Variants in VARS2 observed in about 807,000 individuals in gnomAD.
VARS2 encodes the protein valyl-tRNA synthetase 2, mitochondrial.
Under a neutral mutation model 154.1 loss-of-function variants are expected in VARS2, and 105 were observed. The observed-to-expected ratio is 0.68, with a 90% CI of 0.58 to 0.80. The LOEUF (loss-of-function observed/expected upper bound fraction) is 0.80. Among genes scored for constraint, VARS2 ranks in the 30% least tolerant of loss-of-function variants. The probability of loss-of-function intolerance (pLI) is 0.00; values close to 1 mark genes in which losing one functional copy is unlikely to be tolerated. For synonymous variants in VARS2, 483 were observed against 539.5 expected (o/e 0.90, Z 1.45); for missense variants, 1,157 against 1,361.4 (o/e 0.85, Z 2.36).
At position 30,919,011 on chromosome 6, in the gene VARS2, C is replaced by T; in HGVS notation, c.1074+96C>T. ...GGTGGCTCTTTCTCTCTTGCTTCTA[C>T]TTCCTTTTCCTGAGACTTCTCTCAG... On this transcript the variant is annotated intron_variant, in intron 11 of 29. Transcript: ENST00000676266. The surrounding 1 kb of genome is among the most constrained non-coding windows in gnomAD (Gnocchi z 4.5). 1.8e-6 allele frequency: 2 copies of T among 1,141,114 alleles called. No homozygotes were observed. Among genetic ancestry groups the T allele is most frequent in the South Asian group, 1.3e-5 (1 of 78,512 alleles). The allele number at this position is 1,141,114 out of a possible 1,614,324, so 70.7% of individuals were successfully genotyped here.
At position 30,921,626 on chromosome 6, in the gene VARS2, C is replaced by T; in HGVS notation, c.1670C>T (p.Ala557Val). The T allele has an allele frequency of 6.2e-7, 1 of 1,609,222 alleles. No individual in the cohort carries two copies. Among genetic ancestry groups the T allele is most frequent in the Non-Finnish European group, 8.5e-7 (1 of 1,179,034 alleles). The stretch of plus-strand genomic sequence containing the variant: ...TGTTGGGTGGTTGGGCGGTCAGAGG[C>T]TGAGGCCAGAGAGGTAGCAGCGGAA... ...EDCWVVGRSE[A>V]EAREVAAELT... Residue 557 changes from alanine (A) to valine (V), a missense_variant, in exon 18 of 30, where the codon GCT becomes GTT. Ala to Val is a moderately conservative substitution (Grantham distance 64, BLOSUM62 0). Coordinates refer to ENST00000676266, the MANE Select transcript of VARS2 (RefSeq NM_020442.6). The surrounding 1 kb of genome is among the most constrained non-coding windows in gnomAD (Gnocchi z 4.6).
At position 30,921,874 on chromosome 6, in the gene VARS2, G is replaced by A. The variant is rs777832919; in HGVS notation, c.1736-51G>A. ...TAGAATGGTGGCAGCAGTGGTCTGA[G>A]GTCCTAGAAGCCAAGGTTCCAACTG... On this transcript the variant is annotated intron_variant, in intron 18 of 29. Coordinates refer to ENST00000676266, the MANE Select transcript of VARS2 (RefSeq NM_020442.6). This position sits in a 1 kb window ranked among gnomAD's most constrained non-coding sequence, Gnocchi z 4.6. 7 of 1,608,426 alleles carry A rather than the reference G, an allele frequency of 4.4e-6. No individual in the cohort carries two copies. In the South Asian group the frequency reaches 4.4e-5, roughly 10 times the overall value.
At chr6:30,918,967 C>A in intron 11 of VARS2, 52 bp downstream of exon 11, 1 of 1,537,424 alleles carries the variant, frequency 6.5e-7, no homozygotes, top group Non-Finnish European at 9.0e-7. Flanking sequence ...ATGGCCTTCT[C>A]TTCTCTTGGG....
Position 30,920,035 on chromosome 6 carries a change from G to A in VARS2, c.1166-54G>A. 1.1e-6 allele frequency: 1 copy of A among 890,886 alleles called. No homozygotes were observed. The highest frequency in any genetic ancestry group is 1.5e-6 in the Non-Finnish European group (1 of 688,798). 55.2% of individuals were successfully genotyped at this position (890,886 alleles called of 1,614,324 possible). On this transcript the variant is annotated intron_variant, in intron 12 of 29. Transcript: ENST00000676266. The surrounding 1 kb of genome is among the most constrained non-coding windows in gnomAD (Gnocchi z 4.6). Reference sequence around the variant, plus strand: ...GGTGCAGGTGATGATGATACATCTGGAAAAGCAAAAGCCAAGGTCAGGTTC... The same window carrying A: ...GGTGCAGGTGATGATGATACATCTGAAAAAGCAAAAGCCAAGGTCAGGTTC...
At chr6:30,914,707 G>A in intron 1 of VARS2, 103 bp from the exon 2 acceptor site, 1 of 1,224,168 alleles carries the variant, frequency 8.2e-7, no homozygotes. Context: ...ATAGAGACTT[G>A]GAATAACAGA....
Position 30,917,885 on chromosome 6 carries a change from A to T in VARS2, c.985+79A>T, listed in dbSNP as rs1243808513. 1.4e-6 allele frequency: 2 copies of T among 1,391,086 alleles called. No homozygotes were observed. The allele number at this position is 1,391,086 out of a possible 1,614,324, so 86.2% of individuals were successfully genotyped here. A position where few individuals can be genotyped will look rare whatever the true frequency, so the allele number is the denominator to read the frequency against. ...TGAAGCCCATGTTGGGCTGCTAGGA[A>T]CCCATCAGTCCATCTCTCACATGTA... On this transcript the variant is annotated intron_variant, in intron 10 of 29. Transcript: ENST00000676266. This position sits in a 1 kb window ranked among gnomAD's most constrained non-coding sequence, Gnocchi z 4.4.
In VARS2 at chr6:30,919,841, G is replaced by A; in HGVS notation, c.1158G>A (p.Val386=). Residue 386 remains valine (V), a synonymous_variant, in exon 12 of 30, where the codon GTG becomes GTA. Transcript: ENST00000676266. The surrounding 1 kb of genome is among the most constrained non-coding windows in gnomAD (Gnocchi z 4.5). ...CAGACTATGCTGTTCAGCCACATGT[G>A]GGCACGGGTGAGTGGAAGTCAGGGG... ...LITDYAVQPH[V]GTGAVKVTPA... is the part of the protein sequence containing the mutation. The A allele has an allele frequency of 6.3e-7, 1 of 1,576,598 alleles. No individual in the cohort carries two copies. Among genetic ancestry groups the A allele is most frequent in the East Asian group, 2.3e-5 (1 of 43,686 alleles).
In VARS2 at chr6:30,923,115, C is replaced by A; in HGVS notation, c.2197C>A (p.His733Asn). The A allele has an allele frequency of 3.1e-6, 5 of 1,613,002 alleles. No homozygotes were observed. The highest frequency in any genetic ancestry group is 4.2e-6 in the Non-Finnish European group (5 of 1,179,958). The stretch of plus-strand genomic sequence containing the variant: ...TTCTTCCCTTCCAGCGGGCGACTTG[C>A]ACCTGTCAGTCTCTGAGGTCCAGAG... ...CSHGVQAGDLHLSVSEVQSCR... is the reference protein window; with the variant it reads ...CSHGVQAGDLNLSVSEVQSCR... Residue 733 changes from histidine (H) to asparagine (N), a missense_variant, in exon 24 of 30, where the codon CAC (histidine) becomes AAC (asparagine). By Grantham distance (68) the His-to-Asn change is moderately conservative. Transcript: ENST00000676266.
In VARS2 at chr6:30,922,166, C is replaced by T. The variant is rs1355545927; in HGVS notation, c.1857C>T (p.Ser619=). ...FYPLSLLETG[S]DLLLFWVGRM... ...CCCTGTCACTTTTGGAAACGGGCAG[C>T]GACCTTCTGCTGTTCTGGGTGGGCC... is the stretch of plus-strand genomic sequence containing the variant. The change falls in exon 20 of 30, where the codon AGC becomes AGT. Residue 619 remains serine (S), a synonymous_variant. Transcript: ENST00000676266. 4.3e-6 allele frequency: 7 copies of T among 1,612,776 alleles called. No individual in the cohort carries two copies. The East Asian group carries it at 6.7e-5, about 15-fold the overall frequency.
Position 30,923,291 on chromosome 6 carries a change from C to A in VARS2, c.2313+60C>A, listed in dbSNP as rs553989413. 2.0e-5 allele frequency: 32 copies of A among 1,607,036 alleles called. No individual in the cohort carries two copies. The African/African-American group carries it at 3.1e-4, about 15-fold the overall frequency. On this transcript the variant is annotated intron_variant, in intron 24 of 29. Coordinates refer to ENST00000676266, the MANE Select transcript of VARS2 (RefSeq NM_020442.6). ...GTCAGGTGTCAGAGGGCCAAGGTGG[C>A]ATCTGGAAGGAAAGGAGGCAGGGGA...
At position 30,920,739 on chromosome 6, in the gene VARS2, G is replaced by A. The variant is rs752168449; in HGVS notation, c.1469G>A (p.Arg490Gln). Residue 490 changes from arginine (R) to glutamine (Q), a missense_variant, in exon 15 of 30, where the codon CGA becomes CAA. Transcript: ENST00000676266. The surrounding 1 kb of genome is among the most constrained non-coding windows in gnomAD (Gnocchi z 4.6). The stretch of plus-strand genomic sequence containing the variant: ...GTCCGCTGCCAGGAAATGGGGGCCC[G>A]AGCTGCCAAGGTGAGGCTGCAGTGT... ...WFVRCQEMGA[R>Q]AAKAVESGAL... 34 of 1,594,336 alleles carry A rather than the reference G, an allele frequency of 2.1e-5. No homozygotes were observed. The highest frequency in any genetic ancestry group is 4.5e-5 in the East Asian group (2 of 44,480).
chr6:30,920,712 T>G lies in VARS2; in HGVS notation c.1442T>G (p.Phe481Cys). Residue 481 changes from phenylalanine (F) to cysteine (C), a missense_variant, in exon 15 of 30, where the codon TTT becomes TGT. Transcript: ENST00000676266. The surrounding 1 kb of genome is among the most constrained non-coding windows in gnomAD (Gnocchi z 4.6). ...GAATACCTGCTGAAGAACCAGTGGTTTGTCCGCTGCCAGGAAATGGGGGCC... is the reference window on the plus strand; with the variant it reads ...GAATACCTGCTGAAGAACCAGTGGTGTGTCCGCTGCCAGGAAATGGGGGCC... ...VIEYLLKNQW[F>C]VRCQEMGARA... 5 of 1,602,012 alleles carry G rather than the reference T, an allele frequency of 3.1e-6. No homozygotes were observed. The highest frequency in any genetic ancestry group is 4.3e-6 in the Non-Finnish European group (5 of 1,174,872).
In VARS2 at chr6:30,925,938, A is replaced by G. The variant is rs773482888; in HGVS notation, c.3020A>G (p.Gln1007Arg). ...PLLAARRYKL[Q>R]KQLDSLTART... Reference sequence around the variant, plus strand: ...TTAGCCGCCCGAAGGTACAAGTTGCAGAAGCAGCTTGACAGCCTCACAGCC... The same window carrying G: ...TTAGCCGCCCGAAGGTACAAGTTGCGGAAGCAGCTTGACAGCCTCACAGCC... The change falls in exon 29 of 30, where the codon CAG becomes CGG. Residue 1007 changes from glutamine (Q) to arginine (R), a missense_variant. Gln to Arg is a conservative substitution (Grantham distance 43). Transcript: ENST00000676266. 82 of 1,612,962 alleles carry G rather than the reference A, an allele frequency of 5.1e-5. No homozygotes were observed. In the South Asian group the frequency reaches 8.2e-4, roughly 16 times the overall value.
Position 30,922,001 on chromosome 6 carries a change from G to A in VARS2, c.1806+6G>A, listed in dbSNP as rs1794543206. On this transcript the variant is annotated splice_donor_region_variant and intron_variant, in intron 19 of 29. Transcript: ENST00000676266. ...CCCTGGGCTGGCCCCAAGAGGTGAGGTGGGTTGAGAGGGCGAAAGTGAAGG... is the reference window on the plus strand; with the variant it reads ...CCCTGGGCTGGCCCCAAGAGGTGAGATGGGTTGAGAGGGCGAAAGTGAAGG... The A allele has an allele frequency of 2.5e-6, 4 of 1,612,976 alleles. No individual in the cohort carries two copies. Among genetic ancestry groups the A allele is most frequent in the East Asian group, 4.5e-5 (2 of 44,874 alleles).
Position 30,919,113 on chromosome 6 carries a change from A to C in VARS2, c.1074+198A>C. ...GTTGACAAACTGGCCCATGGTCCTAATCCAGCTTGCGGCCTTTTTTTTTGA... is the reference window on the plus strand; with the variant it reads ...GTTGACAAACTGGCCCATGGTCCTACTCCAGCTTGCGGCCTTTTTTTTTGA... On this transcript the variant is annotated intron_variant, in intron 11 of 29. Transcript: ENST00000676266. The surrounding 1 kb of genome is among the most constrained non-coding windows in gnomAD (Gnocchi z 4.5). 1 of 556,906 alleles carries C rather than the reference A, an allele frequency of 1.8e-6. No individual in the cohort carries two copies. The highest frequency in any genetic ancestry group is 3.2e-6 in the Non-Finnish European group (1 of 313,050). 34.5% of individuals were successfully genotyped at this position (556,906 alleles called of 1,614,324 possible). A position where few individuals can be genotyped will look rare whatever the true frequency, so the allele number is the denominator to read the frequency against.
chr6:30,924,068 A>C (rs1010633065), intron 25 of VARS2: 12 of 527,656 alleles, frequency 2.3e-5, no homozygotes, highest in African/African-American at 2.0e-4. Context: ...CCTTTTAAAA[A>C]CCTCTGTCCC....
Position 30,916,452 on chromosome 6 carries a change from TCG to T in VARS2, c.671+204_671+205del, listed in dbSNP as rs1794175251. On this transcript the variant is annotated intron_variant, in intron 7 of 29. Coordinates refer to ENST00000676266, the MANE Select transcript of VARS2 (RefSeq NM_020442.6). This position sits in a 1 kb window ranked among gnomAD's most constrained non-coding sequence, Gnocchi z 4.0. ...GGATATTATATATGCATTAGAATAT[TCG>T]TGTGTGTGTGTGTGTGTGTGTGTAT... 7 of 469,360 alleles carry T rather than the reference TCG, an allele frequency of 1.5e-5. No homozygotes were observed. The highest frequency in any genetic ancestry group is 1.8e-5 in the Non-Finnish European group (5 of 279,610). The allele number at this position is 469,360 out of a possible 1,614,324, so 29.1% of individuals were successfully genotyped here.
At chr6:30,923,761 A>G (rs1490306492) in intron 25 of VARS2, 4 of 548,930 alleles carry the variant, frequency 7.3e-6, no homozygotes, top group Non-Finnish European at 1.3e-5. Context: ...AGTCGGTGTC[A>G]GAAGGCAGAG....
At position 30,920,323 on chromosome 6, in the gene VARS2, T is replaced by G; in HGVS notation, c.1294-10T>G. 6.2e-7 allele frequency: 1 copy of G among 1,604,012 alleles called. No homozygotes were observed. Among genetic ancestry groups the G allele is most frequent in the Non-Finnish European group, 8.5e-7 (1 of 1,176,448 alleles). On this transcript the variant is annotated splice_polypyrimidine_tract_variant and intron_variant, in intron 13 of 29. Coordinates refer to ENST00000676266, the MANE Select transcript of VARS2 (RefSeq NM_020442.6). This position sits in a 1 kb window ranked among gnomAD's most constrained non-coding sequence, Gnocchi z 4.6. ...GCCTTCAGTCTTTACTCTTGCCGCT[T>G]TTTCTCCAGGGTCTTCACCGGTTTG...
Sources: gnomAD v4.1 joint callset for allele counts on GRCh38, gnomAD v4.1.1 for gene constraint, Gnocchi (gnomAD v3.1) non-coding constraint, MANE v1.5 for transcripts, NCBI Gene and HGNC (gene_info 2026-07-23, HGNC 2026-07-21) for gene names.